ALKBH6: variants seen among roughly 807,000 people sequenced by gnomAD.
ALKBH6 encodes the protein probable RNA/DNA demethylase ALKBH6.
In ALKBH6, 20 loss-of-function variants were observed where a neutral mutation model predicts 25.1. The observed-to-expected ratio is 0.80, with a 90% CI of 0.56 to 1.16. The LOEUF is 1.16. Among genes scored for constraint, ALKBH6 ranks in the 50% most tolerant of loss-of-function variants. ALKBH6 has a pLI of 0.00. For synonymous variants in ALKBH6, 156 were observed against 147.5 expected (o/e 1.06, Z -0.42); for missense variants, 263 against 326.5 (o/e 0.81, Z 1.50).
At chr19:36,009,595 G>A in intron 6 of ALKBH6, 42 bp from the exon 7 acceptor site, 27 of 1,146,804 alleles carry the variant, frequency 2.4e-5, no homozygotes, top group Non-Finnish European at 2.9e-5. Flanking sequence ...AAGAAGTCGG[G>A]GGGTGGGGGT....
chr19:36,012,279 G>C (rs956079987), intron 3 of ALKBH6: 2 of 152,230 alleles, frequency 1.3e-5, no homozygotes, highest in East Asian at 3.8e-4. Flanking sequence ...TCTCAGCACA[G>C]CAAAGAAAGT....
chr19:36,010,692 T>C lies in ALKBH6; in HGVS notation c.337-9A>G. On this transcript the variant is annotated splice_polypyrimidine_tract_variant and intron_variant, in intron 5 of 6. Coordinates refer to ENST00000378875, the MANE Select transcript of ALKBH6 (RefSeq NM_032878.5). This position sits in a 1 kb window ranked among gnomAD's most constrained non-coding sequence, Gnocchi z 5.5. ...GGTCCGTCCTCGTGGGGCTAGGGAG[T>C]GGGCACCAGGGCTGGGCAGGGCAGG... 6.2e-7 allele frequency: 1 copy of C among 1,611,942 alleles called. No homozygotes were observed.
In ALKBH6 at chr19:36,010,930, G is replaced by T; in HGVS notation, c.300C>A (p.Val100=). ...SLFGGLPANH[V]LVNQYLPGEG... ...CCCCAGGCAGATACTGGTTCACGAG[G>T]ACATGGTTAGCTGGGAGGCCTCCAA... The change falls in exon 5 of 7, where the codon GTC becomes GTA. Residue 100 remains valine, a synonymous_variant. Coordinates refer to ENST00000378875, the MANE Select transcript of ALKBH6 (RefSeq NM_032878.5). This position sits in a 1 kb window ranked among gnomAD's most constrained non-coding sequence, Gnocchi z 5.5. The T allele has an allele frequency of 1.2e-6, 2 of 1,614,046 alleles. No individual in the cohort carries two copies. Among genetic ancestry groups the T allele is most frequent in the Non-Finnish European group, 1.7e-6 (2 of 1,179,948 alleles).
chr19:36,010,847 G>A lies in ALKBH6; in HGVS notation c.336+47C>T. On this transcript the variant is annotated intron_variant, in intron 5 of 6. Coordinates refer to ENST00000378875, the MANE Select transcript of ALKBH6 (RefSeq NM_032878.5). This position sits in a 1 kb window ranked among gnomAD's most constrained non-coding sequence, Gnocchi z 5.5. ...GTACAGAGTCCCCTGCCCCAGCACAGCTCAGAAGTCTGAGTGGGGGGACAC... is the reference window on the plus strand; with the variant it reads ...GTACAGAGTCCCCTGCCCCAGCACAACTCAGAAGTCTGAGTGGGGGGACAC... The A allele has an allele frequency of 1.2e-6, 2 of 1,608,044 alleles. No homozygotes were observed. Among genetic ancestry groups the A allele is most frequent in the Non-Finnish European group, 1.7e-6 (2 of 1,175,182 alleles).
Position 36,010,020 on chromosome 19 carries a change from G to A in ALKBH6, c.454-467C>T, listed in dbSNP as rs1433215955. Among the ~76,000 whole-genome samples, 1 of 152,202 alleles carries A rather than the reference G, an allele frequency of 6.6e-6. No homozygotes were observed. Among genetic ancestry groups the A allele is most frequent in the Admixed American group, 6.5e-5 (1 of 15,282 alleles). ...CAGGACATTAGAGGACAACCGCACA[G>A]CTGAGGGAGTGTCAGAGCATCCAGG... On this transcript the variant is annotated intron_variant, in intron 6 of 6. Coordinates refer to ENST00000378875, the MANE Select transcript of ALKBH6 (RefSeq NM_032878.5). This position sits in a 1 kb window ranked among gnomAD's most constrained non-coding sequence, Gnocchi z 5.5.
In ALKBH6 at chr19:36,013,872, T is replaced by C; in HGVS notation, c.-26+303A>G. The C allele has an allele frequency of 1.6e-6, 2 of 1,285,230 alleles. No homozygotes were observed. Among genetic ancestry groups the C allele is most frequent in the Non-Finnish European group, 2.0e-6 (2 of 1,014,748 alleles). 79.6% of individuals were successfully genotyped at this position (1,285,230 alleles called of 1,614,324 possible). A position where few individuals can be genotyped will look rare whatever the true frequency, so the allele number is the denominator to read the frequency against. ...CCCCACCGAATCCCATTCTGTGCAC[T>C]CCTGTGACCCCAATCTGAGCCTCCT... On this transcript the variant is annotated intron_variant, in intron 1 of 6. Transcript: ENST00000378875. This position sits in a 1 kb window ranked among gnomAD's most constrained non-coding sequence, Gnocchi z 4.6.
chr19:36,010,563 C>T lies in ALKBH6; in HGVS notation c.453+4G>A, dbSNP rs978069696. On this transcript the variant is annotated splice_donor_region_variant and intron_variant, in intron 6 of 6. Coordinates refer to ENST00000378875, the MANE Select transcript of ALKBH6 (RefSeq NM_032878.5). The surrounding 1 kb of genome is among the most constrained non-coding windows in gnomAD (Gnocchi z 5.5). ...AGCAGCTGGGGCAGTGTCTGGGGGC[C>T]CACCTGTTCTGTAGGGTCATCGTCC... 6.2e-7 allele frequency: 1 copy of T among 1,612,892 alleles called. No individual in the cohort carries two copies. Among genetic ancestry groups the T allele is most frequent in the South Asian group, 1.1e-5 (1 of 91,034 alleles).
At chr19:36,012,936 C>G (rs1014878025) in intron 3 of ALKBH6, 85 bp downstream of exon 3, 2 of 1,371,310 alleles carry the variant, frequency 1.5e-6, no homozygotes, top group African/African-American at 2.9e-5. Flanking sequence ...TTCACTGCAG[C>G]CTTGGGGGCT....
At chr19:36,014,122 A>G (rs1349663957) in intron 1 of ALKBH6, 53 bp downstream of exon 1, 2 of 1,603,616 alleles carry the variant, frequency 1.2e-6, no homozygotes, top group Admixed American at 3.4e-5. Context: ...CCGGATCCCC[A>G]CTTTCAGCCC....
intron 3 of ALKBH6, chr19:36,011,750 G>A: frequency 3.1e-6 from 1 of 323,652 alleles, no homozygotes; most frequent in East Asian, 5.4e-5. Flanking sequence ...TTCTGGGGCT[G>A]GACAGGGCTC....
rs2145375669 is a variant in ALKBH6, at chr19:36,013,222, C to A, written c.54+122G>T. ...AGGTCAGGGTCTAAAGTCAAGGGAC[C>A]AGTGCCATTCCAGAATGGACTCTGA... On this transcript the variant is annotated intron_variant, in intron 2 of 6. Coordinates refer to ENST00000378875, the MANE Select transcript of ALKBH6 (RefSeq NM_032878.5). This position sits in a 1 kb window ranked among gnomAD's most constrained non-coding sequence, Gnocchi z 4.6. The A allele has an allele frequency of 2.1e-6, 3 of 1,458,724 alleles. No homozygotes were observed. Among genetic ancestry groups the A allele is most frequent in the South Asian group, 1.2e-5 (1 of 85,580 alleles). The allele number at this position is 1,458,724 out of a possible 1,614,324, so 90.4% of individuals were successfully genotyped here.
In ALKBH6 at chr19:36,009,487, C is replaced by A; in HGVS notation, c.520G>T (p.Gly174Cys). ...TGGAGAAGACGCGTGTAGGCGGGGC[C>A]GCGGAGCACCAGCAGGCTGCGCGGT... ...LEPRSLLVLR[G>C]PAYTRLLHGI... Residue 174 changes from glycine (G) to cysteine (C), a missense_variant, in exon 7 of 7, where the codon GGC becomes TGC. By Grantham distance (159) the Gly-to-Cys change is radical (BLOSUM62 -3). Coordinates refer to ENST00000378875, the MANE Select transcript of ALKBH6 (RefSeq NM_032878.5). 1 of 1,248,510 alleles carries A rather than the reference C, an allele frequency of 8.0e-7. No individual in the cohort carries two copies. Among genetic ancestry groups the A allele is most frequent in the Non-Finnish European group, 1.0e-6 (1 of 998,190 alleles). 77.3% of individuals were successfully genotyped at this position (1,248,510 alleles called of 1,614,324 possible).
chr19:36,012,804 G>T (rs1010219209), intron 3 of ALKBH6: 2 of 552,894 alleles, frequency 3.6e-6, no homozygotes, highest in East Asian at 6.1e-5. Flanking sequence ...CAGTCTCAAT[G>T]ATCTGAACTG....
In ALKBH6 at chr19:36,010,120, G is replaced by A. The variant is rs1257469135; in HGVS notation, c.453+447C>T. Among the ~76,000 whole-genome samples the A allele has an allele frequency of 6.6e-6, 1 of 152,138 alleles. No homozygotes were observed. Among genetic ancestry groups the A allele is most frequent in the Non-Finnish European group, 1.5e-5 (1 of 68,022 alleles). ...GGGGCGTTTCTGTGAACACTGGGGT[G>A]CTAGAAATGCATCACTCAGAGAAAT... is the stretch of plus-strand genomic sequence containing the variant. On this transcript the variant is annotated intron_variant, in intron 6 of 6. Transcript: ENST00000378875. This position sits in a 1 kb window ranked among gnomAD's most constrained non-coding sequence, Gnocchi z 5.5.
chr19:36,009,731 G>A (rs1968536824), intron 6 of ALKBH6, among the ~76,000 whole-genome samples, 178 bp from the exon 7 acceptor site: 1 of 152,084 alleles, frequency 6.6e-6, no homozygotes, highest in Non-Finnish European at 1.5e-5. Context: ...CCTGGGCTGG[G>A]GCTGCTGGAA....
Position 36,010,978 on chromosome 19 carries a change from G to T in ALKBH6, c.252C>A (p.Asp84Glu). 1 of 1,614,024 alleles carries T rather than the reference G, an allele frequency of 6.2e-7. No homozygotes were observed. The highest frequency in any genetic ancestry group is 8.5e-7 in the Non-Finnish European group (1 of 1,179,936). The change falls in exon 5 of 7, where the codon GAC becomes GAA. Residue 84 changes from aspartate to glutamate, a missense_variant. Transcript: ENST00000378875. The surrounding 1 kb of genome is among the most constrained non-coding windows in gnomAD (Gnocchi z 5.5). ...RLPPWLQRYV[D>E]KVSNLSLFGG... ...CAAAGAGGCTGAGGTTTGACACTTTGTCCACGTAGCGCTGGAGCCATGGGG... is the reference window on the plus strand; with the variant it reads ...CAAAGAGGCTGAGGTTTGACACTTTTTCCACGTAGCGCTGGAGCCATGGGG...
rs112551234 is a variant in ALKBH6 at position 36,013,006 on chromosome 19, G to A, written c.123+15C>T. 2 of 1,607,716 alleles carry A rather than the reference G, an allele frequency of 1.2e-6. No individual in the cohort carries two copies. Among genetic ancestry groups the A allele is most frequent in the African/African-American group, 1.3e-5 (1 of 74,742 alleles). ...GGAAGAGTGGGAAAACAGACCAGTA[G>A]GGCACTGAGGTCACCTGTCGAAGCA... On this transcript the variant is annotated intron_variant, in intron 3 of 6. Transcript: ENST00000378875. The surrounding 1 kb of genome is among the most constrained non-coding windows in gnomAD (Gnocchi z 4.6).
intron 1 of ALKBH6, 21 bp downstream of exon 1, chr19:36,014,154 C>T (rs1402989321): frequency 1.9e-6 from 3 of 1,611,932 alleles, no homozygotes; most frequent in Middle Eastern, 1.6e-4. Context: ...ATCTCTACCC[C>T]CAGCACTCCC....
Position 36,013,734 on chromosome 19 carries a change from A to ATACGGCGACCCCCG in ALKBH6, c.-25-313_-25-312insCGGGGGTCGCCGTA. The ATACGGCGACCCCCG allele has an allele frequency of 8.2e-7, 1 of 1,213,456 alleles. No homozygotes were observed. The highest frequency in any genetic ancestry group is 2.3e-5 in the South Asian group (1 of 43,162). The allele number at this position is 1,213,456 out of a possible 1,614,324, so 75.2% of individuals were successfully genotyped here. On this transcript the variant is annotated intron_variant, in intron 1 of 6. Coordinates refer to ENST00000378875, the MANE Select transcript of ALKBH6 (RefSeq NM_032878.5). This position sits in a 1 kb window ranked among gnomAD's most constrained non-coding sequence, Gnocchi z 4.6. ...CCCACACACAGGGAGCCTTTCTCAA[A>ATACGGCGACCCCCG]AGCTCTACACATAGCCCCCAGGGCT...
Sources: gnomAD v4.1 joint callset for allele counts (sites outside exome capture counted in the v4.1 genomes callset) on GRCh38, gnomAD v4.1.1 for gene constraint, Gnocchi (gnomAD v3.1) non-coding constraint, MANE v1.5 for transcripts, NCBI Gene and HGNC (gene_info 2026-07-23, HGNC 2026-07-21) for gene names.